SIPA1L1: variants seen among roughly 807,000 people sequenced by gnomAD.
The protein encoded by SIPA1L1 is signal-induced proliferation-associated 1-like protein 1.
In SIPA1L1, 26 loss-of-function variants were observed where a neutral mutation model predicts 162.7. The ratio of observed to expected loss-of-function variants is 0.16; its 90% CI spans 0.12 to 0.22. The LOEUF (loss-of-function observed/expected upper bound fraction) is 0.22, where lower values mean the gene tolerates loss of function less well. SIPA1L1 is among the 10% of genes least tolerant of loss of function. The pLI is 1.00. For synonymous variants in SIPA1L1, 829 were observed against 837.4 expected, an observed-to-expected ratio of 0.99 and a Z score of 0.17; for missense variants, 1,874 against 2,241.0, an observed-to-expected ratio of 0.84 and a Z score of 3.31.
chr14:71,450,244 C>G (rs2045713958), intron 2 of SIPA1L1, among the ~76,000 whole-genome samples: 1 of 151,940 alleles, frequency 6.6e-6, no homozygotes, highest in Admixed American at 6.6e-5. Context: ...TGTCATATTT[C>G]TATTTGGAGG....
chr14:71,708,322 CTTT>C (rs1174900047), intron 16 of SIPA1L1, among the ~76,000 whole-genome samples: 11 of 137,472 alleles, frequency 8.0e-5, no homozygotes, highest in Non-Finnish European at 7.9e-5. Context: ...TTCTTTCTTT[CTTT>C]TTTTTTTTTT....
intron 4 of SIPA1L1, among the ~76,000 whole-genome samples, chr14:71,585,898 C>A (rs902618723): frequency 6.6e-6 from 1 of 152,092 alleles, no homozygotes; most frequent in Admixed American, 6.6e-5. Flanking sequence ...CTTCTTGAAC[C>A]TTTGCTATGG....
intron 4 of SIPA1L1, among the ~76,000 whole-genome samples, chr14:71,580,671 G>A (rs747122404): frequency 6.6e-6 from 1 of 152,164 alleles, no homozygotes; most frequent in Non-Finnish European, 1.5e-5. Context: ...GGAAGGACCT[G>A]ACATCTGTTG....
chr14:71,698,904 T>G, intron 13 of SIPA1L1, 77 bp from the exon 14 acceptor site: 7 of 1,462,462 alleles, frequency 4.8e-6, no homozygotes, highest in Non-Finnish European at 6.7e-6. Flanking sequence ...CACATTTATA[T>G]GATATTATCC....
chr14:71,362,713 A>T (rs1325755587), intron 2 of SIPA1L1, among the ~76,000 whole-genome samples: 2 of 152,214 alleles, frequency 1.3e-5, no homozygotes, highest in East Asian at 3.8e-4. Context: ...CTTTAGGTGA[A>T]ATTTCCAATT....
intron 2 of SIPA1L1, among the ~76,000 whole-genome samples, chr14:71,365,568 A>G (rs947622314): frequency 1.3e-5 from 2 of 152,142 alleles, no homozygotes; most frequent in African/African-American, 2.4e-5. Context: ...CCAGTGGAGC[A>G]TACAAGTTTA....
At chr14:71,342,321 G>C (rs2035744644) in intron 2 of SIPA1L1, among the ~76,000 whole-genome samples, 1 of 152,120 alleles carries the variant, frequency 6.6e-6, no homozygotes, top group Non-Finnish European at 1.5e-5. Context: ...TACCTGGCCT[G>C]TTTTCCTTTG....
intron 4 of SIPA1L1, among the ~76,000 whole-genome samples, chr14:71,542,240 GCTCCTC>G (rs373488843): frequency 8.6e-5 from 13 of 151,182 alleles, no homozygotes; most frequent in Non-Finnish European, 1.3e-4. Context: ...ACCATGCCTG[GCTCCTC>G]CTCCTCCTCC....
At chr14:71,621,069 C>G (rs2039390218) in intron 6 of SIPA1L1, among the ~76,000 whole-genome samples, 1 of 152,232 alleles carries the variant, frequency 6.6e-6, no homozygotes, top group African/African-American at 2.4e-5. Context: ...GAGATCTGGT[C>G]TGTCAGCAAC....
chr14:71,375,473 TTATAA>T (rs2039288941), intron 2 of SIPA1L1, among the ~76,000 whole-genome samples: 1 of 152,184 alleles, frequency 6.6e-6, no homozygotes, highest in Non-Finnish European at 1.5e-5. Flanking sequence ...AATTCATTTC[TTATAA>T]TAGTGTAGTT....
At chr14:71,352,372 G>A (rs1237036180) in intron 2 of SIPA1L1, among the ~76,000 whole-genome samples, 1 of 152,120 alleles carries the variant, frequency 6.6e-6, no homozygotes, top group African/African-American at 2.4e-5. Flanking sequence ...TTAAGAAACA[G>A]AATTTTAACT....
At chr14:71,696,052 A>G (rs548705486) in intron 13 of SIPA1L1, among the ~76,000 whole-genome samples, 1 of 152,202 alleles carries the variant, frequency 6.6e-6, no homozygotes, top group African/African-American at 2.4e-5. Flanking sequence ...AAATGTCTTG[A>G]TCTTCTCTTA....
At chr14:71,459,327 C>T (rs750496341) in intron 2 of SIPA1L1, among the ~76,000 whole-genome samples, 10 of 151,922 alleles carry the variant, frequency 6.6e-5, no homozygotes, top group East Asian at 1.9e-4. Context: ...GGTAACACGA[C>T]GGTATAGTGG....
rs756303074 is a variant in SIPA1L1, at chr14:71,571,463, A to G, written c.-302-16108A>G. Among the ~76,000 whole-genome samples the G allele has an allele frequency of 1.5e-3, 231 of 152,280 alleles. 3 individuals are homozygous for G. The highest frequency in any genetic ancestry group is 2.1e-3 in the Non-Finnish European group (143 of 68,022). On this transcript the variant is annotated intron_variant, in intron 4 of 23. Coordinates refer to ENST00000381232, the MANE Select transcript of SIPA1L1 (RefSeq NM_001386936.1). ...CAAAGACTACTCCAGTATTAAACAG[A>G]TGATCCTAAAAAAAATCCAGAAAAG...
At chr14:71,479,679 A>C (rs993035865) in intron 2 of SIPA1L1, among the ~76,000 whole-genome samples, 1 of 152,010 alleles carries the variant, frequency 6.6e-6, no homozygotes, top group African/African-American at 2.4e-5. Context: ...AAGTTAGGAG[A>C]TTACAGACAT....
intron 2 of SIPA1L1, among the ~76,000 whole-genome samples, chr14:71,385,179 A>T (rs1278305790): frequency 6.6e-6 from 1 of 152,212 alleles, no homozygotes; most frequent in Non-Finnish European, 1.5e-5. Flanking sequence ...AGAAGTTCTG[A>T]TTAAAATTGG....
At chr14:71,559,828 T>TAAATTTTTTTTTTTTGTATAAA (rs1227306004) in intron 4 of SIPA1L1, among the ~76,000 whole-genome samples, 1 of 51,472 alleles carries the variant, frequency 1.9e-5, no homozygotes, top group Non-Finnish European at 3.2e-5. Flanking sequence ...TAGAATTATA[T>TAAATTTTTTTTTTTTGTATAAA]AAACTTTTTT....
chr14:71,437,303 C>T (rs1005818834), intron 2 of SIPA1L1, among the ~76,000 whole-genome samples: 20 of 152,028 alleles, frequency 1.3e-4, no homozygotes, highest in African/African-American at 4.8e-4. Context: ...TGCTTGAGCC[C>T]AGGAGTTCAA....
chr14:71,350,662 C>G (rs1261715636), intron 2 of SIPA1L1, among the ~76,000 whole-genome samples: 1 of 152,084 alleles, frequency 6.6e-6, no homozygotes, highest in East Asian at 1.9e-4. Flanking sequence ...GAAACTCTTA[C>G]AAGAGTGAAG....
Sources: gnomAD v4.1 joint callset for allele counts (sites outside exome capture counted in the v4.1 genomes callset) on GRCh38, gnomAD v4.1.1 for gene constraint, MANE v1.5 for transcripts, NCBI Gene and HGNC (gene_info 2026-07-23, HGNC 2026-07-21) for gene names.